Variants in ELFN1 observed in about 807,000 individuals in gnomAD.
ELFN1 encodes extracellular leucine rich repeat and fibronectin type III domain containing 1.
In ELFN1, 6 loss-of-function variants were observed where a neutral mutation model predicts 7.6. The observed-to-expected ratio is 0.79, with a 90% CI of 0.43 to 1.56. The LOEUF is 1.56. Ranked by LOEUF, ELFN1 falls within the 40% of genes most tolerant of loss-of-function variation. ELFN1 has a pLI of 0.01. For missense variants in ELFN1, 1,169 were observed against 1,232.2 expected (o/e 0.95, Z 0.77); for synonymous variants, 657 against 588.1 (o/e 1.12, Z -1.70).
intron 1 of ELFN1, among the ~76,000 whole-genome samples, chr7:1,680,679 CA>C (rs1335740999): frequency 6.6e-6 from 1 of 151,868 alleles, no homozygotes; most frequent in Non-Finnish European, 1.5e-5. Flanking sequence ...CAACTGTAGT[CA>C]GCACCCCCTA....
At position 1,745,592 on chromosome 7, in the gene ELFN1, C is replaced by T. The variant is rs182914423; in HGVS notation, c.996C>T (p.Thr332=). 474 of 1,550,896 alleles carry T rather than the reference C, an allele frequency of 3.1e-4. 2 individuals carry two copies. The African/African-American group carries it at 5.1e-3, about 17-fold the overall frequency. ...KQLTQNSATI[T]VQLPSPFHRM... is the part of the protein sequence containing the mutation. ...TCACTCAGAACTCGGCCACCATCAC[C>T]GTCCAGCTGCCCAGCCCGTTCCACC... The change falls in exon 4 of 4, where the codon ACC becomes ACT. Residue 332 remains threonine, a synonymous_variant. Transcript: ENST00000424383.
intron 3 of ELFN1, among the ~76,000 whole-genome samples, chr7:1,731,904 C>T (rs913451935): frequency 6.6e-6 from 1 of 152,242 alleles, no homozygotes; most frequent in African/African-American, 2.4e-5. Flanking sequence ...TCCGCCTCGG[C>T]CTCCCAAAGT....
At chr7:1,707,062 C>T (rs780113096) in intron 2 of ELFN1, among the ~76,000 whole-genome samples, 7 of 152,116 alleles carry the variant, frequency 4.6e-5, no homozygotes, top group African/African-American at 1.5e-4. Flanking sequence ...TGTACACTCA[C>T]AGTCTGCTTG....
intron 3 of ELFN1, among the ~76,000 whole-genome samples, chr7:1,725,175 C>T (rs1780152553): frequency 6.6e-6 from 1 of 152,264 alleles, no homozygotes; most frequent in Admixed American, 6.5e-5. Flanking sequence ...GACCCCAAAA[C>T]CTGGTGGGTG....
At chr7:1,714,689 A>G (rs1172846008) in intron 3 of ELFN1, among the ~76,000 whole-genome samples, 1 of 152,244 alleles carries the variant, frequency 6.6e-6, no homozygotes, top group African/African-American at 2.4e-5. Flanking sequence ...AAGACTCACC[A>G]ACCCTGATCT....
chr7:1,680,816 A>G (rs1778961983), intron 1 of ELFN1, among the ~76,000 whole-genome samples: 1 of 142,458 alleles, frequency 7.0e-6, no homozygotes, highest in South Asian at 2.2e-4. Flanking sequence ...TTCTCGGCTC[A>G]CAGCAGCCTC....
At chr7:1,707,469 G>A (rs1583342217) in intron 2 of ELFN1, among the ~76,000 whole-genome samples, 1 of 152,194 alleles carries the variant, frequency 6.6e-6, no homozygotes, top group South Asian at 2.1e-4. Flanking sequence ...CCCTCCCAGC[G>A]CGGGAAGCAG....
chr7:1,677,780 C>CT (rs1244284911), intron 1 of ELFN1, among the ~76,000 whole-genome samples: 83 of 150,964 alleles, frequency 5.5e-4, no homozygotes, highest in African/African-American at 1.7e-3. Context: ...TCTGCTTTTT[C>CT]TTTTTTTTTG....
chr7:1,682,446 T>A (rs1778990002), intron 1 of ELFN1, among the ~76,000 whole-genome samples: 1 of 152,114 alleles, frequency 6.6e-6, no homozygotes, highest in African/African-American at 2.4e-5. Context: ...TTATTTTATT[T>A]TTTTTATTTT....
intron 3 of ELFN1, among the ~76,000 whole-genome samples, chr7:1,723,864 C>T (rs1460161716): frequency 2.6e-5 from 4 of 152,222 alleles, no homozygotes; most frequent in Non-Finnish European, 2.9e-5. Context: ...GTGCACCTGA[C>T]GCCCCTGCCC....
At chr7:1,675,030 C>A (rs893495916) in intron 1 of ELFN1, among the ~76,000 whole-genome samples, 1 of 152,238 alleles carries the variant, frequency 6.6e-6, no homozygotes, top group Non-Finnish European at 1.5e-5. Flanking sequence ...GCTGGGCTCC[C>A]CACACCTCAT....
At chr7:1,667,010 G>T (rs539739935), upstream of ELFN1, among the ~76,000 whole-genome samples, 1 of 152,082 alleles carries the variant, frequency 6.6e-6, no homozygotes, top group South Asian at 2.1e-4. This position sits in a 1 kb window ranked among gnomAD's most constrained non-coding sequence, Gnocchi z 8.2. Flanking sequence ...GCTGCCGAGT[G>T]GGGCGGGACC....
upstream of ELFN1, among the ~76,000 whole-genome samples, chr7:1,668,691 A>G (rs865956756): frequency 6.6e-6 from 1 of 152,306 alleles, no homozygotes; most frequent in African/African-American, 2.4e-5. Context: ...GCCTCGTTCC[A>G]CAGGCCCAGG....
At position 1,745,729 on chromosome 7, in the gene ELFN1, CCTA is replaced by C; in HGVS notation, c.1136_1138del (p.Tyr379del). On this transcript the variant is annotated inframe_deletion, in exon 4 of 4. Coordinates refer to ENST00000424383, the MANE Select transcript of ELFN1 (RefSeq NM_001128636.4). Reference sequence around the variant, plus strand: ...AACCTGTTCACGCTCACCAACTACACCTACTGCGTGGTGTCCACCAGCGCCGGG... The same window carrying C: ...AACCTGTTCACGCTCACCAACTACACCTGCGTGGTGTCCACCAGCGCCGGG... The C allele has an allele frequency of 6.4e-7, 1 of 1,551,466 alleles. No individual in the cohort carries two copies. Among genetic ancestry groups the C allele is most frequent in the Non-Finnish European group, 8.7e-7 (1 of 1,147,054 alleles).
intron 2 of ELFN1, among the ~76,000 whole-genome samples, chr7:1,702,354 C>T (rs544262872): frequency 8.6e-5 from 13 of 151,364 alleles, no homozygotes; most frequent in South Asian, 8.4e-4. Flanking sequence ...AACTGGGAGG[C>T]GGTGGTTGCA....
upstream of ELFN1, among the ~76,000 whole-genome samples, chr7:1,667,443 A>T (rs1290084834): frequency 6.6e-6 from 1 of 152,016 alleles, no homozygotes; most frequent in East Asian, 1.9e-4. This position sits in a 1 kb window ranked among gnomAD's most constrained non-coding sequence, Gnocchi z 8.2. Flanking sequence ...GCGTTTAGGG[A>T]TGCAGCTCGG....
At chr7:1,703,374 A>AT (rs1424050440) in intron 2 of ELFN1, among the ~76,000 whole-genome samples, 12 of 151,816 alleles carry the variant, frequency 7.9e-5, no homozygotes, top group African/African-American at 2.7e-4. Context: ...CCTTTTTCTT[A>AT]TTTTTATTTG....
chr7:1,744,557 C>G lies in ELFN1; in HGVS notation c.-40C>G. 1 of 1,457,222 alleles carries G rather than the reference C, an allele frequency of 6.9e-7. No individual in the cohort carries two copies. 90.3% of individuals were successfully genotyped at this position (1,457,222 alleles called of 1,614,324 possible). A position where few individuals can be genotyped will look rare whatever the true frequency, so the allele number is the denominator to read the frequency against. On this transcript the variant is annotated 5_prime_UTR_variant, in exon 4 of 4. Coordinates refer to ENST00000424383, the MANE Select transcript of ELFN1 (RefSeq NM_001128636.4). ...GCGCCTGGCCCCCCACCTGGTCCCC[C>G]TGGGCAGGCTGAATTGGGGCTCCCT...
chr7:1,678,984 G>A (rs1167010572), intron 1 of ELFN1, among the ~76,000 whole-genome samples: 1 of 152,104 alleles, frequency 6.6e-6, no homozygotes, highest in Non-Finnish European at 1.5e-5. Context: ...GGCCTTGGGT[G>A]GCAGAGGAGA....
Sources: allele counts gnomAD v4.1 joint callset (sites outside exome capture counted in the v4.1 genomes callset), GRCh38; gene constraint gnomAD v4.1.1; non-coding constraint Gnocchi (gnomAD v3.1); transcripts MANE v1.5; gene names NCBI Gene and HGNC (gene_info 2026-07-23, HGNC 2026-07-21).